ANKMY1: variants seen among roughly 807,000 people sequenced by gnomAD.
ANKMY1 encodes ankyrin repeat and MYND domain containing 1.
ANKMY1 carries 98 observed loss-of-function variants against 102.0 expected under a neutral mutation model. The observed-to-expected ratio is 0.96, with a 90% CI of 0.82 to 1.14. ANKMY1 has a LOEUF of 1.14. ANKMY1 is among the 50% of genes most tolerant of loss of function. The pLI, the probability that ANKMY1 is intolerant of heterozygous loss-of-function variation, is 0.00. For missense variants in ANKMY1, 1,330 were observed against 1,347.6 expected (o/e 0.99, Z 0.20); for synonymous variants, 582 against 559.9 (o/e 1.04, Z -0.56).
intron 5 of ANKMY1, among the ~76,000 whole-genome samples, chr2:240,528,102 T>G (rs1240460496): frequency 1.3e-5 from 2 of 151,818 alleles, no homozygotes; most frequent in Non-Finnish European, 2.9e-5. Context: ...GCCTGGCCAA[T>G]ATGGTGAAAC....
chr2:240,482,052 G>A, intron 16 of ANKMY1, 131 bp downstream of exon 16: 3 of 974,762 alleles, frequency 3.1e-6, no homozygotes, highest in Non-Finnish European at 4.7e-6. Context: ...CTTCCTAGAG[G>A]AGGCCATGCC....
Position 240,555,015 on chromosome 2 carries a change from C to T in ANKMY1, c.187G>A (p.Glu63Lys). 1 of 1,614,138 alleles carries T rather than the reference C, an allele frequency of 6.2e-7. No homozygotes were observed. Among genetic ancestry groups the T allele is most frequent in the Middle Eastern group, 1.7e-4 (1 of 6,060 alleles). Residue 63 changes from glutamate to lysine, a missense_variant, in exon 3 of 18, where the codon GAG becomes AAG. By Grantham distance (56) the Glu-to-Lys change is moderately conservative (BLOSUM62 1). Coordinates refer to ENST00000401804, the MANE Select transcript of ANKMY1 (RefSeq NM_001282771.3). ...AAPEKEEEEA[E>K]GPLRAQDLRE... ...AGGTCCTGCGCCCTCAGCGGGCCCTCAGCTTCCTCCTCTTCCTTCTCAGGG... is the reference window on the plus strand; with the variant it reads ...AGGTCCTGCGCCCTCAGCGGGCCCTTAGCTTCCTCCTCTTCCTTCTCAGGG...
At chr2:240,473,333 T>C in the ANKMY1 span, among the ~76,000 whole-genome samples, 2 of 146,348 alleles carry the variant, frequency 1.4e-5, no homozygotes, top group African/African-American at 5.1e-5. Context: ...ATGGAAACCA[T>C]AAAAAAGAAC....
chr2:240,552,993 C>T lies in ANKMY1; in HGVS notation c.401G>A (p.Gly134Asp), dbSNP rs1360184495. 1.2e-6 allele frequency: 2 copies of T among 1,614,016 alleles called. No individual in the cohort carries two copies. The highest frequency in any genetic ancestry group is 2.7e-5 in the African/African-American group (2 of 74,994). ...HGLGTYMWPD[G>D]SSFTGTFYLS... ...GTAAAATGTGCCCGTGAAACTGGAG[C>T]CATCTGGCCACATGTAGGTACCCAG... The change falls in exon 4 of 18, where the codon GGC becomes GAC. Residue 134 changes from glycine to aspartate, a missense_variant. By Grantham distance (94) the Gly-to-Asp change is moderately conservative (BLOSUM62 -1). Coordinates refer to ENST00000401804, the MANE Select transcript of ANKMY1 (RefSeq NM_001282771.3).
chr2:240,523,203 T>C (rs1176423454), intron 8 of ANKMY1: 1 of 152,272 alleles, frequency 6.6e-6, no homozygotes, highest in East Asian at 1.9e-4. Flanking sequence ...GCTTTTCTGC[T>C]TTGTCAAAGG....
At chr2:240,558,779 G>A (rs2092687474), upstream of ANKMY1, among the ~76,000 whole-genome samples, 1 of 152,142 alleles carries the variant, frequency 6.6e-6, no homozygotes, top group Non-Finnish European at 1.5e-5. Context: ...CAGGATTCTG[G>A]GGTTCTAGGG....
chr2:240,554,821 C>T, intron 3 of ANKMY1, 45 bp downstream of exon 3: 1 of 1,605,208 alleles, frequency 6.2e-7, no homozygotes, highest in Non-Finnish European at 8.5e-7. Flanking sequence ...GGCCAGCCAC[C>T]AGAGGCCCTA....
chr2:240,492,820 G>A (rs1458541472), intron 15 of ANKMY1, among the ~76,000 whole-genome samples: 1 of 151,964 alleles, frequency 6.6e-6, no homozygotes, highest in Non-Finnish European at 1.5e-5. Context: ...CCTCGCTAGT[G>A]GCTGAGATTA....
chr2:240,526,402 C>A lies in ANKMY1; in HGVS notation c.997G>T (p.Glu333Ter). 1.2e-6 allele frequency: 2 copies of A among 1,614,204 alleles called. No individual in the cohort carries two copies. The highest frequency in any genetic ancestry group is 1.7e-6 in the Non-Finnish European group (2 of 1,180,032). ...GGTGCAAAGCCACTGCGCTTCCCCTCCAGGATGGCGCCCATGTTCCAGCTG... is the reference window on the plus strand; with the variant it reads ...GGTGCAAAGCCACTGCGCTTCCCCTACAGGATGGCGCCCATGTTCCAGCTG... ...HTSWNMGAIL[E>*]GKRSGFAPCG... The change falls in exon 6 of 18, where the codon GAG (glutamate) becomes TAG (stop). Residue 333 changes from glutamate to a stop codon, truncating the protein, a stop_gained. Coordinates refer to ENST00000401804, the MANE Select transcript of ANKMY1 (RefSeq NM_001282771.3). LOFTEE classifies it high-confidence loss of function.
At chr2:240,496,650 C>A in intron 15 of ANKMY1, among the ~76,000 whole-genome samples, 1 of 152,182 alleles carries the variant, frequency 6.6e-6, no homozygotes, top group East Asian at 1.9e-4. Flanking sequence ...TGGAAGGCAG[C>A]CTTGGGTTTG....
At chr2:240,549,140 C>T (rs2091027364) in intron 4 of ANKMY1, among the ~76,000 whole-genome samples, 1 of 151,866 alleles carries the variant, frequency 6.6e-6, no homozygotes, top group Admixed American at 6.6e-5. Context: ...GTAACCAAAA[C>T]AGCATGGGAC....
intron 4 of ANKMY1, 71 bp downstream of exon 4, chr2:240,552,843 A>T: frequency 6.2e-7 from 1 of 1,607,676 alleles, no homozygotes. Flanking sequence ...GGACCGAAAT[A>T]TCTTTTTGTC....
intron 4 of ANKMY1, among the ~76,000 whole-genome samples, chr2:240,538,205 G>A (rs578218437): frequency 1.2e-4 from 19 of 152,362 alleles, no homozygotes; most frequent in African/African-American, 3.6e-4. Flanking sequence ...TCAGCCTGCT[G>A]CTGCGCTGTG....
intron 13 of ANKMY1, among the ~76,000 whole-genome samples, chr2:240,502,173 C>T (rs2078305913): frequency 6.6e-6 from 1 of 151,448 alleles, no homozygotes; most frequent in South Asian, 2.1e-4. Context: ...AGCCCACCCC[C>T]ACCCCCCAAG....
chr2:240,521,045 G>C (rs145389175), intron 8 of ANKMY1, among the ~76,000 whole-genome samples: 206 of 152,176 alleles, frequency 1.4e-3, no homozygotes, highest in Middle Eastern at 3.4e-3. Flanking sequence ...CAGGTCAGGA[G>C]TAAACTGTGC....
chr2:240,477,059 C>T (rs2074904961), downstream of ANKMY1, among the ~76,000 whole-genome samples: 1 of 152,252 alleles, frequency 6.6e-6, no homozygotes. Context: ...TGGCTCACGC[C>T]TGTAATCCCA....
rs566027211 is a variant in ANKMY1 at position 240,539,283 on chromosome 2, A to C, written c.481-9774T>G. Among the ~76,000 whole-genome samples the C allele has an allele frequency of 3.9e-5, 6 of 152,176 alleles. No homozygotes were observed. In the South Asian group the frequency reaches 1.2e-3, roughly 32 times the overall value. On this transcript the variant is annotated intron_variant, in intron 4 of 17. Transcript: ENST00000401804. ...CGAGACCACAAACCCACTGGGAGGA[A>C]CGAACAACTCTGGACCAGAGGAACG...
upstream of ANKMY1, chr2:240,560,084 TTA>T (rs2092814678): frequency 6.6e-6 from 1 of 152,352 alleles, no homozygotes; most frequent in Non-Finnish European, 1.5e-5. Flanking sequence ...AAAATAGAAA[TTA>T]GTTTTATTTT....
chr2:240,555,734 G>A (rs116693639), intron 2 of ANKMY1, among the ~76,000 whole-genome samples: 156 of 152,088 alleles, frequency 1.0e-3, no homozygotes, highest in African/African-American at 3.7e-3. Context: ...CATCACAGAC[G>A]GACGTGGCAT....
Sources: allele counts gnomAD v4.1 joint callset (sites outside exome capture counted in the v4.1 genomes callset), GRCh38; gene constraint gnomAD v4.1.1; transcripts MANE v1.5; gene names NCBI Gene and HGNC (gene_info 2026-07-23, HGNC 2026-07-21).